Variants in GPRIN2 observed in about 807,000 individuals in gnomAD.
GPRIN2 encodes the protein G protein regulated inducer of neurite outgrowth 2.
GPRIN2 carries 1 observed loss-of-function variant against 0.3 expected under a neutral mutation model. The ratio of observed to expected loss-of-function variants is 3.90; its 90% confidence interval spans 1.39 to 18.51. The LOEUF is 18.51. Ranked by LOEUF, GPRIN2 falls within the 30% of genes most tolerant of loss-of-function variation. The pLI is 0.11. For missense variants in GPRIN2, 880 were observed against 604.2 expected (o/e 1.46, Z -4.79); for synonymous variants, 361 against 258.6 (o/e 1.40, Z -3.80).
rs1841806369 is a variant in GPRIN2, at chr10:46,542,059, T to C, written c.*7301A>G. On this transcript the variant is annotated 3_prime_UTR_variant, in exon 3 of 3. Coordinates refer to ENST00000374314, the MANE Select transcript of GPRIN2 (RefSeq NM_001385282.1). ...AGAGTTTTCCTCAAGAGTTGCAGGC[T>C]GGGCTTACAAAAGCCACAAAGCTTG... 6.6e-6 allele frequency among the ~76,000 whole-genome samples: 1 copy of C among 152,306 alleles called. No homozygotes were observed. Among genetic ancestry groups the C allele is most frequent in the Non-Finnish European group, 1.5e-5 (1 of 68,058 alleles).
Position 46,549,186 on chromosome 10 carries a change from T to C in GPRIN2, c.*174A>G. The C allele has an allele frequency of 1.2e-6, 1 of 823,020 alleles. No homozygotes were observed. The highest frequency in any genetic ancestry group is 1.8e-6 in the Non-Finnish European group (1 of 563,632). 51.0% of individuals were successfully genotyped at this position (823,020 alleles called of 1,614,324 possible). A position where few individuals can be genotyped will look rare whatever the true frequency, so the allele number is the denominator to read the frequency against. ...CAAGCCCTTAAGAAAACAGCCCAGC[T>C]GTGTAGGGCCGGAAGCCCCAGGCTG... On this transcript the variant is annotated 3_prime_UTR_variant, in exon 3 of 3. Coordinates refer to ENST00000374314, the MANE Select transcript of GPRIN2 (RefSeq NM_001385282.1).
At position 46,548,301 on chromosome 10, in the gene GPRIN2, G is replaced by C. The variant is rs1842352001; in HGVS notation, c.*1059C>G. ...GCCCCCACTGCCTAGCCTAGGTCAG[G>C]TCATGTGGGCAAGCGAGCCCCCACA... On this transcript the variant is annotated 3_prime_UTR_variant, in exon 3 of 3. Coordinates refer to ENST00000374314, the MANE Select transcript of GPRIN2 (RefSeq NM_001385282.1). Among the ~76,000 whole-genome samples the C allele has an allele frequency of 1.3e-5, 2 of 152,186 alleles. No individual in the cohort carries two copies. The highest frequency in any genetic ancestry group is 4.8e-5 in the African/African-American group (2 of 41,448).
upstream of GPRIN2, among the ~76,000 whole-genome samples, chr10:46,557,574 C>T (rs1213356583): frequency 1.3e-5 from 2 of 152,294 alleles, no homozygotes; most frequent in East Asian, 1.9e-4. Flanking sequence ...GCCTTCTTCT[C>T]CGCAATTCCC....
chr10:46,543,201 C>G lies in GPRIN2; in HGVS notation c.*6159G>C, dbSNP rs868934735. On this transcript the variant is annotated 3_prime_UTR_variant, in exon 3 of 3. Transcript: ENST00000374314. ...CCATGTAAATCACAAATGCCAAGAC[C>G]CAGACACAGCCACAGCTGGGGGCCT... Among the ~76,000 whole-genome samples the G allele has an allele frequency of 6.6e-6, 1 of 152,310 alleles. No individual in the cohort carries two copies. Among genetic ancestry groups the G allele is most frequent in the African/African-American group, 2.4e-5 (1 of 41,488 alleles).
rs1832531426 is a variant in GPRIN2, at chr10:46,549,977, C to A, written c.760G>T (p.Gly254Trp). 46 of 1,614,198 alleles carry A rather than the reference C, an allele frequency of 2.8e-5. No individual in the cohort carries two copies. The African/African-American group carries it at 6.0e-4, about 21-fold the overall frequency. The change falls in exon 3 of 3, where the codon GGG (glycine) becomes TGG (tryptophan). Residue 254 changes from glycine to tryptophan, a missense_variant. Gly to Trp is a radical substitution (Grantham distance 184). Transcript: ENST00000374314. The part of the protein sequence containing the change: ...GGCCHALPAT[G>W]ILAFPKLVAS... ...ACTAGTTTGGGAAAGGCCAGGATCC[C>A]TGTGGCAGGTAGGGCATGGCAGCAG...
In GPRIN2 at chr10:46,548,188, C is replaced by T. The variant is rs1439724942; in HGVS notation, c.*1172G>A. Among the ~76,000 whole-genome samples, 1 of 152,308 alleles carries T rather than the reference C, an allele frequency of 6.6e-6. No individual in the cohort carries two copies. Among genetic ancestry groups the T allele is most frequent in the Non-Finnish European group, 1.5e-5 (1 of 68,058 alleles). ...GACCCAGGACAAGAACACAAGCCCA[C>T]TCCCATTCTTCACAGGCCTCGAGAA... On this transcript the variant is annotated 3_prime_UTR_variant, in exon 3 of 3. Transcript: ENST00000374314.
intron 1 of GPRIN2, among the ~76,000 whole-genome samples, chr10:46,555,930 G>A (rs1831871398): frequency 1.3e-5 from 2 of 152,424 alleles, no homozygotes; most frequent in African/African-American, 2.4e-5. Context: ...CGGGGCCAAA[G>A]GCCTGAAAGC....
At chr10:46,553,118 T>G (rs1419522743) in intron 2 of GPRIN2, among the ~76,000 whole-genome samples, 1 of 152,308 alleles carries the variant, frequency 6.6e-6, no homozygotes, top group Non-Finnish European at 1.5e-5. Flanking sequence ...GACAGGAGAA[T>G]TCCATAAGCT....
rs1471403618 is a variant in GPRIN2 at position 46,548,836 on chromosome 10, C to T, written c.*524G>A. On this transcript the variant is annotated 3_prime_UTR_variant, in exon 3 of 3. Coordinates refer to ENST00000374314, the MANE Select transcript of GPRIN2 (RefSeq NM_001385282.1). ...CGGCTACAGCCTTGCCAAATGAAGG[C>T]TTGCCAGGATGAAGAGGTGAAGACA... 1.3e-5 allele frequency among the ~76,000 whole-genome samples: 2 copies of T among 152,310 alleles called. No individual in the cohort carries two copies. Among genetic ancestry groups the T allele is most frequent in the African/African-American group, 4.8e-5 (2 of 41,488 alleles).
In GPRIN2 at chr10:46,549,610, G is replaced by C; in HGVS notation, c.1127C>G (p.Pro376Arg). ...CCATCGCACATCCCGCACAGGGGAC[G>C]GCACCTCCTCCAGGCTGGACCCCAG... ...VTLGSSLEEV[P>R]SPVRDVRWDA... Residue 376 changes from proline (P) to arginine (R), a missense_variant, in exon 3 of 3, where the codon CCG becomes CGG. By Grantham distance (103) the Pro-to-Arg change is moderately radical. Transcript: ENST00000374314. 6.2e-7 allele frequency: 1 copy of C among 1,614,116 alleles called. No individual in the cohort carries two copies. Among genetic ancestry groups the C allele is most frequent in the Non-Finnish European group, 8.5e-7 (1 of 1,179,898 alleles).
chr10:46,549,150 C>T lies in GPRIN2; in HGVS notation c.*210G>A, dbSNP rs906349178. ...GAGCCCGGAAGGTGCAGAGATGTGG[C>T]CCTTGGAAATCAAGCCCTTAAGAAA... On this transcript the variant is annotated 3_prime_UTR_variant, in exon 3 of 3. Coordinates refer to ENST00000374314, the MANE Select transcript of GPRIN2 (RefSeq NM_001385282.1). 1 of 584,324 alleles carries T rather than the reference C, an allele frequency of 1.7e-6. No homozygotes were observed. Among genetic ancestry groups the T allele is most frequent in the African/African-American group, 1.9e-5 (1 of 51,542 alleles). 36.2% of individuals were successfully genotyped at this position (584,324 alleles called of 1,614,324 possible).
At chr10:46,552,278 G>A (rs1485676022) in intron 2 of GPRIN2, among the ~76,000 whole-genome samples, 1 of 152,296 alleles carries the variant, frequency 6.6e-6, no homozygotes. Flanking sequence ...GGGCCACCTC[G>A]GCCCTGGCCA....
rs1351567642 is a variant in GPRIN2, at chr10:46,546,953, G to T, written c.*2407C>A. On this transcript the variant is annotated 3_prime_UTR_variant, in exon 3 of 3. Transcript: ENST00000374314. The stretch of plus-strand genomic sequence containing the variant: ...CGGCCTGCCATCCTGGCAAGCCAGG[G>T]CAGCATGGAGGTAGCACAGAGTGGC... Among the ~76,000 whole-genome samples the T allele has an allele frequency of 6.6e-6, 1 of 152,308 alleles. No homozygotes were observed. The highest frequency in any genetic ancestry group is 1.5e-5 in the Non-Finnish European group (1 of 68,054).
chr10:46,552,174 A>G (rs1842688341), intron 2 of GPRIN2, among the ~76,000 whole-genome samples: 1 of 152,310 alleles, frequency 6.6e-6, no homozygotes, highest in Admixed American at 6.5e-5. Context: ...GAGTGAGAGA[A>G]GCAAGAAGGT....
rs12241698 is a variant in GPRIN2, at chr10:46,542,727, C to G, written c.*6633G>C. ...AAGACAGAAATCTCCTCCTCCAGTC[C>G]CTAGCCTTGGCTCTTGGACACGAAT... On this transcript the variant is annotated 3_prime_UTR_variant, in exon 3 of 3. Transcript: ENST00000374314. 0.02 allele frequency among the ~76,000 whole-genome samples: 3,024 copies of G among 150,738 alleles called. No homozygotes were observed. Among genetic ancestry groups the G allele is most frequent in the African/African-American group, 0.072 (2,873 of 40,012 alleles).
chr10:46,541,964 A>G lies in GPRIN2; in HGVS notation c.*7396T>C, dbSNP rs969730146. On this transcript the variant is annotated 3_prime_UTR_variant, in exon 3 of 3. Coordinates refer to ENST00000374314, the MANE Select transcript of GPRIN2 (RefSeq NM_001385282.1). ...GGCTTCCACCCCTTCAAGAATTGAAATCTTCACAAGAAGCCCTTGCCCATC... is the reference window on the plus strand; with the variant it reads ...GGCTTCCACCCCTTCAAGAATTGAAGTCTTCACAAGAAGCCCTTGCCCATC... 7.9e-5 allele frequency among the ~76,000 whole-genome samples: 12 copies of G among 152,286 alleles called. No homozygotes were observed. Among genetic ancestry groups the G allele is most frequent in the African/African-American group, 2.7e-4 (11 of 41,470 alleles).
upstream of GPRIN2, among the ~76,000 whole-genome samples, chr10:46,556,906 A>G (rs1677942191): frequency 1.0e-3 from 156 of 151,492 alleles, no homozygotes; most frequent in South Asian, 0.033. Context: ...AACCCCCAAG[A>G]CTCCCACTTC....
intron 2 of GPRIN2, among the ~76,000 whole-genome samples, chr10:46,552,900 G>T (rs1485829775): frequency 1.3e-5 from 2 of 152,304 alleles, no homozygotes; most frequent in Non-Finnish European, 2.9e-5. Context: ...AGCCAAGAGA[G>T]AAATCTGACC....
Position 46,550,315 on chromosome 10 carries a change from A to G in GPRIN2, c.422T>C (p.Leu141Pro). Reference protein sequence around the residue: ...RGHSGARKASLSCSALGSSPV... With the variant: ...RGHSGARKASPSCSALGSSPV... ...GCTGCTGCCAAGGGCTGAGCAGCTG[A>G]GACTGGCCTTCCGAGCACCACTGTG... Residue 141 changes from leucine to proline, a missense_variant, in exon 3 of 3, where the codon CTC becomes CCC. Physicochemically the swap from Leu to Pro is moderately conservative, Grantham distance 98. Transcript: ENST00000374314. The G allele has an allele frequency of 1.2e-6, 2 of 1,613,288 alleles. No individual in the cohort carries two copies. Among genetic ancestry groups the G allele is most frequent in the East Asian group, 2.2e-5 (1 of 44,894 alleles).
Sources: gnomAD v4.1 joint callset for allele counts (sites outside exome capture counted in the v4.1 genomes callset) on GRCh38, gnomAD v4.1.1 for gene constraint, MANE v1.5 for transcripts, NCBI Gene and HGNC (gene_info 2026-07-23, HGNC 2026-07-21) for gene names.